The following HS3ST5 variants were observed in gnomAD, a reference collection of about 807,000 sequenced individuals.
HS3ST5 encodes heparan sulfate glucosamine 3-O-sulfotransferase 5.
In HS3ST5, 10 loss-of-function variants were observed where a neutral mutation model predicts 25.4. That is an observed-to-expected ratio of 0.39 (90% confidence interval 0.24 to 0.67). The LOEUF is 0.67. Ranked by LOEUF, HS3ST5 falls within the 30% of genes least tolerant of loss-of-function variation. HS3ST5 has a pLI of 0.44. For synonymous variants in HS3ST5, 170 were observed against 162.4 expected (o/e 1.05, Z -0.36); for missense variants, 324 against 420.7 (o/e 0.77, Z 2.01).
chr6:114,341,740 G>C (rs1776887750), intron 1 of HS3ST5, among the ~76,000 whole-genome samples: 1 of 152,044 alleles, frequency 6.6e-6, no homozygotes, highest in African/African-American at 2.4e-5. Flanking sequence ...CCTGTCCTCT[G>C]CTGGGGCCTC....
chr6:114,087,499 C>CT (rs1413190736), intron 3 of HS3ST5, among the ~76,000 whole-genome samples: 3 of 152,084 alleles, frequency 2.0e-5, no homozygotes, highest in African/African-American at 7.2e-5. Flanking sequence ...GAACAATGGC[C>CT]TGTACGTCTA....
At chr6:114,069,477 C>T (rs1461006528) in intron 3 of HS3ST5, among the ~76,000 whole-genome samples, 1 of 151,404 alleles carries the variant, frequency 6.6e-6, no homozygotes, top group Admixed American at 6.6e-5. Flanking sequence ...CCCATGATTG[C>T]AGCACCAGTC....
intron 1 of HS3ST5, among the ~76,000 whole-genome samples, chr6:114,304,276 G>T (rs1775201029): frequency 6.6e-6 from 1 of 152,052 alleles, no homozygotes; most frequent in African/African-American, 2.4e-5. Flanking sequence ...AATATCTAAT[G>T]TTGACATCAT....
At chr6:114,204,618 G>T (rs1781188956) in intron 2 of HS3ST5, among the ~76,000 whole-genome samples, 1 of 150,578 alleles carries the variant, frequency 6.6e-6, no homozygotes, top group African/African-American at 2.4e-5. Context: ...TATTTTTTTG[G>T]GTAATTTTAC....
intron 2 of HS3ST5, among the ~76,000 whole-genome samples, chr6:114,218,904 A>G (rs1231030526): frequency 1.3e-5 from 2 of 152,216 alleles, no homozygotes; most frequent in Non-Finnish European, 2.9e-5. Flanking sequence ...ATGTCAATCC[A>G]TACAGAAATT....
intron 3 of HS3ST5, among the ~76,000 whole-genome samples, chr6:114,130,961 A>G (rs752255437): frequency 6.6e-6 from 1 of 152,116 alleles, no homozygotes; most frequent in Non-Finnish European, 1.5e-5. Flanking sequence ...AGGTTTGCTT[A>G]AATCCAGGAA....
chr6:114,222,406 A>G (rs1167256777), intron 2 of HS3ST5, among the ~76,000 whole-genome samples: 1 of 151,868 alleles, frequency 6.6e-6, no homozygotes, highest in Non-Finnish European at 1.5e-5. Flanking sequence ...TTGTTGAATG[A>G]ATGAAGAAAT....
At chr6:114,108,725 G>A (rs1776113748) in intron 3 of HS3ST5, among the ~76,000 whole-genome samples, 1 of 152,174 alleles carries the variant, frequency 6.6e-6, no homozygotes, top group South Asian at 2.1e-4. Flanking sequence ...AGAGGCATAA[G>A]GACATTTTAG....
intron 1 of HS3ST5, among the ~76,000 whole-genome samples, chr6:114,279,581 C>T (rs9400709): frequency 0.098 from 14,889 of 152,004 alleles, 1,092 homozygotes; most frequent in African/African-American, 0.21. Context: ...TCTGGACAGT[C>T]CCCACATTTC....
At chr6:114,087,090 T>G (rs955675499) in intron 3 of HS3ST5, among the ~76,000 whole-genome samples, 2 of 152,168 alleles carry the variant, frequency 1.3e-5, no homozygotes, top group Admixed American at 1.3e-4. Flanking sequence ...CTTTCCTTGA[T>G]GAGGCTCTAG....
intron 3 of HS3ST5, among the ~76,000 whole-genome samples, chr6:114,119,340 T>C (rs1042346759): frequency 1.1e-4 from 16 of 152,246 alleles, no homozygotes; most frequent in Admixed American, 6.5e-5. Flanking sequence ...ACTTTTGTTC[T>C]GATAAAATGG....
chr6:114,166,141 A>G (rs899302514), intron 3 of HS3ST5, among the ~76,000 whole-genome samples: 21 of 151,902 alleles, frequency 1.4e-4, no homozygotes, highest in African/African-American at 3.9e-4. Context: ...TCTAATCCCT[A>G]CTCTTGGTCA....
intron 2 of HS3ST5, among the ~76,000 whole-genome samples, chr6:114,175,670 T>C (rs1041274885): frequency 6.6e-6 from 1 of 152,148 alleles, no homozygotes; most frequent in East Asian, 1.9e-4. Context: ...TGCACAAAGA[T>C]AAATGGAACT....
rs1165420719 is a variant in HS3ST5, at chr6:114,234,979, C to T, written c.-338-6201G>A. On this transcript the variant is annotated intron_variant, in intron 1 of 4. Coordinates refer to ENST00000312719, the MANE Select transcript of HS3ST5 (RefSeq NM_153612.4). ...CTCTACTAAAAATATAAAAATTAGCCGGGTGTGGTGGCACGCACCTGTAGT... is the reference window on the plus strand; with the variant it reads ...CTCTACTAAAAATATAAAAATTAGCTGGGTGTGGTGGCACGCACCTGTAGT... Among the ~76,000 whole-genome samples, 6 of 151,918 alleles carry T rather than the reference C, an allele frequency of 3.9e-5. No individual in the cohort carries two copies. The South Asian group carries it at 6.2e-4, about 16-fold the overall frequency.
At chr6:114,180,673 G>A (rs1186149788) in intron 2 of HS3ST5, among the ~76,000 whole-genome samples, 1 of 152,114 alleles carries the variant, frequency 6.6e-6, no homozygotes, top group Non-Finnish European at 1.5e-5. Flanking sequence ...TGCTTCCATG[G>A]CCTTACCTTG....
chr6:114,092,651 CTTAT>C (rs10691266), intron 3 of HS3ST5, among the ~76,000 whole-genome samples: 4 of 146,716 alleles, frequency 2.7e-5, no homozygotes, highest in Non-Finnish European at 4.5e-5. Flanking sequence ...AGATGTCAGG[CTTAT>C]TTATTTATTT....
At chr6:114,306,043 C>T (rs1775273300) in intron 1 of HS3ST5, among the ~76,000 whole-genome samples, 1 of 151,980 alleles carries the variant, frequency 6.6e-6, no homozygotes, top group Non-Finnish European at 1.5e-5. Flanking sequence ...TGTACAATTA[C>T]CATTGCATTC....
At chr6:114,138,209 A>T (rs573342001) in intron 3 of HS3ST5, among the ~76,000 whole-genome samples, 2 of 152,304 alleles carry the variant, frequency 1.3e-5, no homozygotes, top group South Asian at 4.1e-4. Flanking sequence ...ATATGCCATG[A>T]TAGTTCTAGG....
In HS3ST5 at chr6:114,141,521, T is replaced by C. The variant is rs143359070; in HGVS notation, c.-33+26830A>G. Among the ~76,000 whole-genome samples, 45 of 152,364 alleles carry C rather than the reference T, an allele frequency of 3.0e-4. 1 individual carries two copies. In the East Asian group the frequency reaches 8.1e-3, roughly 27 times the overall value. ...ATATCTGTCTTATGAGGCTCAAGCATGCTTTATGTAGTGCTGAGAGTTTGT... is the reference window on the plus strand; with the variant it reads ...ATATCTGTCTTATGAGGCTCAAGCACGCTTTATGTAGTGCTGAGAGTTTGT... On this transcript the variant is annotated intron_variant, in intron 3 of 4. Coordinates refer to ENST00000312719, the MANE Select transcript of HS3ST5 (RefSeq NM_153612.4).
Sources: allele counts gnomAD v4.1 joint callset (sites outside exome capture counted in the v4.1 genomes callset), GRCh38; gene constraint gnomAD v4.1.1; transcripts MANE v1.5; gene names NCBI Gene and HGNC (gene_info 2026-07-23, HGNC 2026-07-21).